MIPOL1: variants seen among roughly 807,000 people sequenced by gnomAD.
MIPOL1 encodes the protein mirror-image polydactyly gene 1 protein.
In MIPOL1, 57 loss-of-function variants were observed where a neutral mutation model predicts 60.9. That is an observed-to-expected ratio of 0.94 (90% CI 0.76 to 1.17). MIPOL1 has a LOEUF of 1.17. Among genes scored for constraint, MIPOL1 ranks in the 50% most tolerant of loss-of-function variants. MIPOL1 has a pLI of 0.00. For missense variants in MIPOL1, 551 were observed against 511.6 expected (o/e 1.08, Z -0.74); for synonymous variants, 179 against 168.8 (o/e 1.06, Z -0.47).
At chr14:37,363,027 T>C (rs1321317760) in intron 9 of MIPOL1, among the ~76,000 whole-genome samples, 1 of 152,148 alleles carries the variant, frequency 6.6e-6, no homozygotes, top group African/African-American at 2.4e-5. Flanking sequence ...TTTTCAAGAT[T>C]TTTAGATTCC....
chr14:37,477,713 A>G (rs945046069), intron 11 of MIPOL1, among the ~76,000 whole-genome samples: 7 of 152,320 alleles, frequency 4.6e-5, no homozygotes, highest in Admixed American at 2.0e-4. Context: ...TCCTCAAGAG[A>G]AAAAGACCCT....
intron 10 of MIPOL1, among the ~76,000 whole-genome samples, chr14:37,381,778 T>A (rs2153509950): frequency 6.6e-6 from 1 of 151,532 alleles, no homozygotes; most frequent in East Asian, 2.0e-4. Flanking sequence ...TTAGTAGAGA[T>A]GAGATCTCAC....
intron 12 of MIPOL1, among the ~76,000 whole-genome samples, chr14:37,522,160 A>T (rs2095418602): frequency 1.3e-5 from 2 of 152,036 alleles, no homozygotes; most frequent in Non-Finnish European, 2.9e-5. Flanking sequence ...CACCCCACAA[A>T]TACATGCAAA....
At chr14:37,518,805 T>C (rs1376890688) in intron 12 of MIPOL1, among the ~76,000 whole-genome samples, 1 of 152,154 alleles carries the variant, frequency 6.6e-6, no homozygotes. Context: ...GGATGTCTTC[T>C]TGTGCCAAGA....
chr14:37,494,534 T>C (rs2153608343), intron 11 of MIPOL1, among the ~76,000 whole-genome samples: 1 of 151,992 alleles, frequency 6.6e-6, no homozygotes, highest in East Asian at 1.9e-4. Context: ...AGCTAAAAGG[T>C]GAGGAAGGAG....
chr14:37,237,042 T>A (rs1306097024), intron 1 of MIPOL1, among the ~76,000 whole-genome samples: 1 of 152,090 alleles, frequency 6.6e-6, no homozygotes, highest in Non-Finnish European at 1.5e-5. Context: ...GGTCACGTGT[T>A]AATTTCCCAG....
intron 1 of MIPOL1, among the ~76,000 whole-genome samples, chr14:37,217,466 C>G (rs896575131): frequency 6.6e-6 from 1 of 152,170 alleles, no homozygotes; most frequent in African/African-American, 2.4e-5. Flanking sequence ...AGTCCAATCT[C>G]TCTGATGGAT....
At chr14:37,425,983 A>G (rs934143773) in intron 11 of MIPOL1, among the ~76,000 whole-genome samples, 14 of 152,182 alleles carry the variant, frequency 9.2e-5, no homozygotes, top group Non-Finnish European at 1.5e-4. Context: ...CAGTCCTTGA[A>G]GAAACTTGAG....
chr14:37,227,959 A>G (rs1403507167), intron 1 of MIPOL1: 3 of 152,180 alleles, frequency 2.0e-5, no homozygotes, highest in Admixed American at 6.5e-5. Flanking sequence ...AGGAACTGCT[A>G]TGGTTATAAT....
chr14:37,334,056 C>A (rs1369098746), intron 9 of MIPOL1, among the ~76,000 whole-genome samples: 1 of 151,942 alleles, frequency 6.6e-6, no homozygotes, highest in Admixed American at 6.6e-5. Context: ...GGAAATTAAG[C>A]AACACCTTTT....
intron 12 of MIPOL1, among the ~76,000 whole-genome samples, chr14:37,508,905 C>T (rs895209950): frequency 6.6e-6 from 1 of 152,062 alleles, no homozygotes; most frequent in African/African-American, 2.4e-5. Flanking sequence ...CTTGAACTCT[C>T]ATCATTTAGT....
At chr14:37,477,256 C>T (rs538275097) in intron 11 of MIPOL1, among the ~76,000 whole-genome samples, 47 of 151,856 alleles carry the variant, frequency 3.1e-4, no homozygotes, top group Non-Finnish European at 5.2e-4. Flanking sequence ...AATTAGATGG[C>T]GTTTCCTCTG....
At chr14:37,399,105 A>T (rs535253297) in intron 10 of MIPOL1, among the ~76,000 whole-genome samples, 1 of 152,314 alleles carries the variant, frequency 6.6e-6, no homozygotes, top group Non-Finnish European at 1.5e-5. Context: ...CTCTTATCAA[A>T]ATTTTCATTT....
chr14:37,371,506 T>C (rs1439776315), intron 10 of MIPOL1, among the ~76,000 whole-genome samples: 3 of 152,138 alleles, frequency 2.0e-5, no homozygotes, highest in Admixed American at 6.5e-5. Flanking sequence ...CTGAAATTTT[T>C]CTGTTGTCTT....
At chr14:37,460,708 C>T (rs1468244155) in intron 11 of MIPOL1, among the ~76,000 whole-genome samples, 1 of 152,094 alleles carries the variant, frequency 6.6e-6, no homozygotes, top group African/African-American at 2.4e-5. Context: ...TTTCCATATA[C>T]CAATAACATT....
intron 1 of MIPOL1, among the ~76,000 whole-genome samples, chr14:37,231,257 T>G (rs1047431924): frequency 2.0e-5 from 3 of 152,078 alleles, no homozygotes; most frequent in Non-Finnish European, 4.4e-5. Context: ...CCAGCTAATG[T>G]TTTTATTTTT....
intron 9 of MIPOL1, among the ~76,000 whole-genome samples, chr14:37,354,195 G>C (rs1360874454): frequency 6.6e-6 from 1 of 151,730 alleles, no homozygotes; most frequent in Non-Finnish European, 1.5e-5. Flanking sequence ...AGGTTGTTCA[G>C]TTTCCATGTA....
At chr14:37,417,208 C>CCTGTCAGGAGATCGAGACCAT (rs2093785564) in intron 10 of MIPOL1, among the ~76,000 whole-genome samples, 1 of 152,130 alleles carries the variant, frequency 6.6e-6, no homozygotes, top group Non-Finnish European at 1.5e-5. Flanking sequence ...CATCTCTCTC[C>CCTGTCAGGAGATCGAGACCAT]CCTGCCTTTC....
intron 1 of MIPOL1, among the ~76,000 whole-genome samples, chr14:37,221,798 C>T (rs1240454266): frequency 6.6e-6 from 1 of 152,130 alleles, no homozygotes; most frequent in Non-Finnish European, 1.5e-5. Flanking sequence ...GGTGGTGATA[C>T]AGAACCAAAC....
Sources: allele counts gnomAD v4.1 joint callset (sites outside exome capture counted in the v4.1 genomes callset), GRCh38; gene constraint gnomAD v4.1.1; transcripts MANE v1.5; gene names NCBI Gene and HGNC (gene_info 2026-07-23, HGNC 2026-07-21).